LONP2: variants seen among roughly 807,000 people sequenced by gnomAD.
LONP2 encodes the protein lon peptidase 2, peroxisomal.
Under a neutral mutation model 85.6 loss-of-function variants are expected in LONP2, and 60 were observed. That is an observed-to-expected ratio of 0.70 (90% CI 0.57 to 0.87). The LOEUF is 0.87. LONP2 is among the 40% of genes least tolerant of loss of function. LONP2 has a pLI of 0.00. For synonymous variants in LONP2, 395 were observed against 389.7 expected (o/e 1.01, Z -0.16); for missense variants, 860 against 1,063.5 (o/e 0.81, Z 2.66).
chr16:48,348,090 C>G lies in LONP2; in HGVS notation c.2147-10C>G. 4 of 1,576,764 alleles carry G rather than the reference C, an allele frequency of 2.5e-6. No individual in the cohort carries two copies. The highest frequency in any genetic ancestry group is 3.4e-6 in the Non-Finnish European group (4 of 1,169,944). ...TTTTCTACATTAAAGTCCCTTTTTC[C>G]TTTTTAAAGCTTTTGGAAGTTTTGA... On this transcript the variant is annotated splice_polypyrimidine_tract_variant and intron_variant, in intron 13 of 14. Transcript: ENST00000285737.
At chr16:48,312,037 T>C (rs923721187) in intron 11 of LONP2, among the ~76,000 whole-genome samples, 1 of 151,974 alleles carries the variant, frequency 6.6e-6, no homozygotes, top group African/African-American at 2.4e-5. Flanking sequence ...ACCTCCTGGG[T>C]TCAAGTGATT....
chr16:48,313,820 C>T (rs186742254), intron 11 of LONP2, among the ~76,000 whole-genome samples: 1 of 152,084 alleles, frequency 6.6e-6, no homozygotes, highest in Admixed American at 6.6e-5. Flanking sequence ...TGGCTATATA[C>T]CCAGTAGTGG....
intron 12 of LONP2, chr16:48,344,463 T>C (rs776673107): frequency 2.6e-5 from 4 of 152,184 alleles, no homozygotes; most frequent in Admixed American, 1.3e-4. Flanking sequence ...GGATAGTAAT[T>C]GTGAGCCTAG....
chr16:48,285,222 GATCTCTTATGCCTA>G (rs1972414291), intron 8 of LONP2, among the ~76,000 whole-genome samples: 1 of 152,018 alleles, frequency 6.6e-6, no homozygotes, highest in Non-Finnish European at 1.5e-5. Context: ...GCTTGTGGCG[GATCTCTTATGCCTA>G]ATGAGGGCAG....
intron 7 of LONP2, among the ~76,000 whole-genome samples, chr16:48,275,251 G>A (rs1455388107): frequency 6.6e-6 from 1 of 152,158 alleles, no homozygotes; most frequent in Non-Finnish European, 1.5e-5. Context: ...TCTTATAGGT[G>A]AGGAAACTGA....
At chr16:48,280,796 C>A (rs1357629000) in intron 8 of LONP2, among the ~76,000 whole-genome samples, 1 of 152,178 alleles carries the variant, frequency 6.6e-6, no homozygotes, top group African/African-American at 2.4e-5. Flanking sequence ...AAACCTCAGA[C>A]CTCACAGATT....
At chr16:48,346,843 A>G (rs1048378486) in intron 12 of LONP2, among the ~76,000 whole-genome samples, 1 of 152,172 alleles carries the variant, frequency 6.6e-6, no homozygotes, top group African/African-American at 2.4e-5. Context: ...TAGGTTATGA[A>G]GTATATATAA....
chr16:48,348,022 G>A (rs1172820596), intron 13 of LONP2, 78 bp from the exon 14 acceptor site: 1 of 1,333,038 alleles, frequency 7.5e-7, no homozygotes, highest in East Asian at 2.4e-5. Context: ...ATTCATTTTT[G>A]TTTGTGACTT....
In LONP2 at chr16:48,355,748, G is replaced by C. The variant is rs1960322676; in HGVS notation, c.*3946G>C. 1 of 152,182 alleles carries C rather than the reference G, an allele frequency of 6.6e-6. No individual in the cohort carries two copies. Among genetic ancestry groups the C allele is most frequent in the Admixed American group, 6.5e-5 (1 of 15,276 alleles). The allele number at this position is 152,182 out of a possible 1,614,324, so 9.4% of individuals were successfully genotyped here. A position where few individuals can be genotyped will look rare whatever the true frequency, so the allele number is the denominator to read the frequency against. ...TTCTATGTCCCTAATGACTAGTGATGTTGAGCATTTTCTAGCATTGATTTT... is the reference window on the plus strand; with the variant it reads ...TTCTATGTCCCTAATGACTAGTGATCTTGAGCATTTTCTAGCATTGATTTT... On this transcript the variant is annotated 3_prime_UTR_variant, in exon 15 of 15. Transcript: ENST00000285737.
At chr16:48,268,913 G>GA (rs112539728) in intron 6 of LONP2, among the ~76,000 whole-genome samples, 2,054 of 152,142 alleles carry the variant, frequency 0.014, 45 homozygotes, top group African/African-American at 0.047. Context: ...TTAATTAAAA[G>GA]ATATGTATTA....
At chr16:48,358,129 T>G (rs1321877630), downstream of LONP2, among the ~76,000 whole-genome samples, 1 of 152,204 alleles carries the variant, frequency 6.6e-6, no homozygotes, top group Non-Finnish European at 1.5e-5. Context: ...CTCTATAGGC[T>G]AAGAATATGA....
intron 7 of LONP2, 27 bp downstream of exon 7, chr16:48,270,301 C>T (rs1322502929): frequency 1.2e-6 from 2 of 1,607,202 alleles, no homozygotes; most frequent in African/African-American, 2.7e-5. Context: ...AGTTTAATCT[C>T]TGATTCCTCT....
chr16:48,332,924 T>C (rs78425604), intron 11 of LONP2, among the ~76,000 whole-genome samples: 6 of 151,674 alleles, frequency 4.0e-5, no homozygotes, highest in African/African-American at 9.7e-5. Context: ...TATAGATAGA[T>C]AGACAATGTT....
chr16:48,345,734 T>C (rs2151031941), intron 12 of LONP2: 1 of 152,320 alleles, frequency 6.6e-6, no homozygotes, highest in Non-Finnish European at 1.5e-5. Flanking sequence ...TTTTTTTTAA[T>C]GTATGTTTAC....
Position 48,295,996 on chromosome 16 carries a change from G to GT in LONP2, c.1384-13dup, listed in dbSNP as rs756214540. On this transcript the variant is annotated intron_variant, in intron 8 of 14. Coordinates refer to ENST00000285737, the MANE Select transcript of LONP2 (RefSeq NM_031490.5). ...TTGGCACTACTAAAGTTTTTAAAAT[G>GT]TTTTTTGTTCTCCCCTAGGTGTTGG... 159 of 1,605,514 alleles carry GT rather than the reference G, an allele frequency of 9.9e-5. No homozygotes were observed. Among genetic ancestry groups the GT allele is most frequent in the Non-Finnish European group, 1.3e-4 (154 of 1,177,670 alleles).
At chr16:48,279,435 G>T (rs1372577554) in intron 8 of LONP2, among the ~76,000 whole-genome samples, 3 of 152,184 alleles carry the variant, frequency 2.0e-5, no homozygotes, top group South Asian at 4.1e-4. Context: ...CCTGTCTCTT[G>T]CCTTGAGAAT....
chr16:48,293,110 C>T (rs989882365), intron 8 of LONP2, among the ~76,000 whole-genome samples: 5 of 152,184 alleles, frequency 3.3e-5, no homozygotes, highest in African/African-American at 9.7e-5. Context: ...ATATGAATTA[C>T]ATATGCTTAG....
chr16:48,331,029 A>T (rs1959423901), intron 11 of LONP2, among the ~76,000 whole-genome samples: 1 of 152,158 alleles, frequency 6.6e-6, no homozygotes, highest in Non-Finnish European at 1.5e-5. Context: ...TGATCGTGAA[A>T]TACAAGCTGG....
chr16:48,245,847 G>A (rs997534982), intron 1 of LONP2, among the ~76,000 whole-genome samples: 6 of 151,848 alleles, frequency 4.0e-5, no homozygotes, highest in African/African-American at 1.2e-4. Flanking sequence ...CTGGTATATC[G>A]TATGCTCTCA....
Sources: gnomAD v4.1 joint callset for allele counts (sites outside exome capture counted in the v4.1 genomes callset) on GRCh38, gnomAD v4.1.1 for gene constraint, MANE v1.5 for transcripts, NCBI Gene and HGNC (gene_info 2026-07-23, HGNC 2026-07-21) for gene names.